The following CCDC88C variants were observed in gnomAD, a reference collection of about 807,000 sequenced individuals.
CCDC88C encodes the protein coiled-coil and HOOK domain protein 88C.
In CCDC88C, 131 loss-of-function variants were observed where a neutral mutation model predicts 198.8. The ratio of observed to expected loss-of-function variants is 0.66; its 90% CI spans 0.57 to 0.76. CCDC88C has a LOEUF of 0.76. CCDC88C is among the 30% of genes least tolerant of loss of function. The pLI is 0.00. For missense variants in CCDC88C, 2,553 were observed against 2,631.6 expected (o/e 0.97, Z 0.65); for synonymous variants, 1,166 against 1,114.7 (o/e 1.05, Z -0.92).
chr14:91,279,385 G>T (rs1302242605), intron 27 of CCDC88C, 79 bp from the exon 28 acceptor site: 2 of 1,220,802 alleles, frequency 1.6e-6, no homozygotes, highest in Non-Finnish European at 2.3e-6. Flanking sequence ...GAAAAACGAT[G>T]CAGCAAAACA....
intron 13 of CCDC88C, among the ~76,000 whole-genome samples, chr14:91,320,592 C>T (rs1486815962): frequency 2.0e-5 from 3 of 152,218 alleles, no homozygotes; most frequent in Non-Finnish European, 2.9e-5. Flanking sequence ...GGTGACAATC[C>T]GGACTTGGAT....
At chr14:91,341,167 A>G (rs1286407090) in intron 6 of CCDC88C, among the ~76,000 whole-genome samples, 1 of 152,178 alleles carries the variant, frequency 6.6e-6, no homozygotes, top group African/African-American at 2.4e-5. Context: ...GAATTAGGAG[A>G]AATCTTATCC....
chr14:91,331,652 C>CA (rs1385848613), intron 10 of CCDC88C, among the ~76,000 whole-genome samples: 1 of 152,214 alleles, frequency 6.6e-6, no homozygotes, highest in East Asian at 1.9e-4. Context: ...GCTGACCCCT[C>CA]ACTGCAGAGA....
chr14:91,309,227 C>T (rs868406349), intron 16 of CCDC88C, among the ~76,000 whole-genome samples: 3 of 152,034 alleles, frequency 2.0e-5, no homozygotes, highest in South Asian at 2.1e-4. Flanking sequence ...AGTGACACTT[C>T]GTCTCAAAAC....
In CCDC88C at chr14:91,272,537, T is replaced by C; in HGVS notation, c.*88A>G. 7.2e-7 allele frequency: 1 copy of C among 1,385,006 alleles called. No individual in the cohort carries two copies. Among genetic ancestry groups the C allele is most frequent in the Non-Finnish European group, 9.8e-7 (1 of 1,016,680 alleles). 85.8% of individuals were successfully genotyped at this position (1,385,006 alleles called of 1,614,324 possible). On this transcript the variant is annotated 3_prime_UTR_variant, in exon 30 of 30. Coordinates refer to ENST00000389857, the MANE Select transcript of CCDC88C (RefSeq NM_001080414.4). ...CCTTTCCTCATTCCAAACCCTCTCC[T>C]GGCACCGCAGGCAAGCAAGAGAAAA...
At chr14:91,414,460 A>G (rs1378606031) in intron 2 of CCDC88C, among the ~76,000 whole-genome samples, 1 of 152,220 alleles carries the variant, frequency 6.6e-6, no homozygotes, top group East Asian at 1.9e-4. Flanking sequence ...TGAAATGCAT[A>G]AAGTTATAAT....
rs765455054 is a variant in CCDC88C at position 91,324,912 on chromosome 14, T to C, written c.1209A>G (p.Thr403=). Residue 403 remains threonine, a synonymous_variant, in exon 12 of 30, where the codon ACA becomes ACG. Transcript: ENST00000389857. ...KLHDLELDRD[T]DKKRIEELLE... is the part of the protein sequence containing the mutation. ...GCAGCTCCTCAATTCGTTTCTTATCTGTGTCCCGGTCCTGGGGCAAGCAAG... is the reference window on the plus strand; with the variant it reads ...GCAGCTCCTCAATTCGTTTCTTATCCGTGTCCCGGTCCTGGGGCAAGCAAG... 28 of 1,613,578 alleles carry C rather than the reference T, an allele frequency of 1.7e-5. No individual in the cohort carries two copies. The highest frequency in any genetic ancestry group is 3.3e-4 in the Middle Eastern group (2 of 6,084).
intron 6 of CCDC88C, among the ~76,000 whole-genome samples, chr14:91,341,549 A>G (rs1893310442): frequency 6.6e-6 from 1 of 152,238 alleles, no homozygotes; most frequent in Non-Finnish European, 1.5e-5. Flanking sequence ...TGCCTCTGCC[A>G]ATCACACACC....
chr14:91,383,063 G>A (rs1317597103), intron 3 of CCDC88C, among the ~76,000 whole-genome samples: 1 of 152,200 alleles, frequency 6.6e-6, no homozygotes, highest in African/African-American at 2.4e-5. Flanking sequence ...AAGGACCCCA[G>A]GGCTCCAGTG....
chr14:91,386,121 A>G (rs1885117312), intron 3 of CCDC88C, among the ~76,000 whole-genome samples: 1 of 151,914 alleles, frequency 6.6e-6, no homozygotes, highest in Non-Finnish European at 1.5e-5. Flanking sequence ...GTGATGACTG[A>G]GCTCTTTCTA....
In CCDC88C at chr14:91,340,066, C is replaced by T. The variant is rs181621179; in HGVS notation, c.484-42G>A. 652 of 1,597,820 alleles carry T rather than the reference C, an allele frequency of 4.1e-4. 5 individuals are homozygous for T. In the East Asian group the frequency reaches 0.013, roughly 32 times the overall value. On this transcript the variant is annotated intron_variant, in intron 6 of 29. Coordinates refer to ENST00000389857, the MANE Select transcript of CCDC88C (RefSeq NM_001080414.4). ...CAGGGCACTGCAGGGGCGGCAGAGA[C>T]GGGCGCCCACTTCCCTCACACTGCA...
intron 24 of CCDC88C, among the ~76,000 whole-genome samples, chr14:91,289,883 C>T (rs1316225716): frequency 5.9e-5 from 9 of 152,104 alleles, no homozygotes; most frequent in African/African-American, 2.2e-4. Flanking sequence ...TGCCTGTGCT[C>T]TCACCCCGTC....
chr14:91,361,309 G>A (rs1433532126), intron 3 of CCDC88C, among the ~76,000 whole-genome samples: 1 of 152,144 alleles, frequency 6.6e-6, no homozygotes, highest in Non-Finnish European at 1.5e-5. Flanking sequence ...ATAACATGCG[G>A]AATCTCTATA....
At chr14:91,331,934 T>G (rs1429207033) in intron 10 of CCDC88C, among the ~76,000 whole-genome samples, 1 of 151,980 alleles carries the variant, frequency 6.6e-6, no homozygotes, top group East Asian at 1.9e-4. Context: ...GTGTAGACTG[T>G]GCCCAGCTAG....
intron 10 of CCDC88C, among the ~76,000 whole-genome samples, chr14:91,328,712 A>G (rs17127248): frequency 0.09 from 13,652 of 152,188 alleles, 858 homozygotes; most frequent in African/African-American, 0.18. Context: ...CGATGGGCCT[A>G]AAGACAGGGT....
At chr14:91,370,556 C>T (rs1030998866) in intron 3 of CCDC88C, among the ~76,000 whole-genome samples, 6 of 152,166 alleles carry the variant, frequency 3.9e-5, no homozygotes, top group Non-Finnish European at 8.8e-5. Context: ...GGGGGGCAGC[C>T]CCAGAAACAC....
chr14:91,285,315 G>A lies in CCDC88C; in HGVS notation c.4442-1798C>T, dbSNP rs894640827. The A allele has an allele frequency of 1.7e-4, 66 of 388,100 alleles. 1 individual carries two copies. The highest frequency in any genetic ancestry group is 1.2e-3 in the African/African-American group (56 of 47,858). The allele number at this position is 388,100 out of a possible 1,614,324, so 24.0% of individuals were successfully genotyped here. Reference sequence around the variant, plus strand: ...ATTTTAGGAAGTGCAGCAACCACCCGCCAGTGCTGCTTGACACACGGGCAA... The same window carrying A: ...ATTTTAGGAAGTGCAGCAACCACCCACCAGTGCTGCTTGACACACGGGCAA... On this transcript the variant is annotated intron_variant, in intron 25 of 29. Coordinates refer to ENST00000389857, the MANE Select transcript of CCDC88C (RefSeq NM_001080414.4).
At chr14:91,321,577 A>C (rs1328305511) in intron 12 of CCDC88C, among the ~76,000 whole-genome samples, 1 of 152,200 alleles carries the variant, frequency 6.6e-6, no homozygotes, top group Non-Finnish European at 1.5e-5. Context: ...GGGCTGTGTC[A>C]CTTCTGGGAA....
chr14:91,370,758 T>A (rs1277551568), intron 3 of CCDC88C, among the ~76,000 whole-genome samples: 1 of 152,076 alleles, frequency 6.6e-6, no homozygotes, highest in Non-Finnish European at 1.5e-5. Context: ...GGTGGACACA[T>A]CCGTGCATAC....
Sources: allele counts gnomAD v4.1 joint callset (sites outside exome capture counted in the v4.1 genomes callset), GRCh38; gene constraint gnomAD v4.1.1; transcripts MANE v1.5; gene names NCBI Gene and HGNC (gene_info 2026-07-23, HGNC 2026-07-21).